Variants in MTUS2 observed in about 807,000 individuals in gnomAD.
MTUS2 encodes microtubule associated scaffold protein 2.
MTUS2 carries 40 observed loss-of-function variants against 114.1 expected under a neutral mutation model. The observed-to-expected ratio is 0.35, with a 90% CI of 0.27 to 0.46. The LOEUF (loss-of-function observed/expected upper bound fraction) is 0.46. Among genes scored for constraint, MTUS2 ranks in the 20% least tolerant of loss-of-function variants. The pLI, the probability that MTUS2 is intolerant of heterozygous loss-of-function variation, is 1.00. For missense variants in MTUS2, 1,679 were observed against 1,705.4 expected (o/e 0.98, Z 0.27); for synonymous variants, 688 against 672.0 (o/e 1.02, Z -0.37).
At chr13:29,365,224 T>C (rs900644656) in intron 8 of MTUS2, among the ~76,000 whole-genome samples, 4 of 152,328 alleles carry the variant, frequency 2.6e-5, no homozygotes, top group African/African-American at 9.6e-5. Flanking sequence ...CCTCCAGATA[T>C]GCCAAGCAGC....
chr13:29,236,654 G>A (rs1896546529), intron 5 of MTUS2, among the ~76,000 whole-genome samples: 1 of 152,210 alleles, frequency 6.6e-6, no homozygotes, highest in Non-Finnish European at 1.5e-5. Flanking sequence ...GTAATGCTGA[G>A]CAAGGAAAAG....
chr13:29,234,262 A>G (rs1896449213), intron 5 of MTUS2, among the ~76,000 whole-genome samples: 1 of 152,194 alleles, frequency 6.6e-6, no homozygotes, highest in South Asian at 2.1e-4. Flanking sequence ...TCAGTAGTGT[A>G]CAGACAGGCA....
At position 29,402,629 on chromosome 13, in the gene MTUS2, C is replaced by G. The variant is rs558739067; in HGVS notation, c.3118-37354C>G. On this transcript the variant is annotated intron_variant, in intron 8 of 15. Transcript: ENST00000612955. The stretch of plus-strand genomic sequence containing the variant: ...CAGCAGGGCCCCTGCTTGAATCATT[C>G]ATATTATTAAGTTGCCAGAGCTATT... 2.6e-5 allele frequency among the ~76,000 whole-genome samples: 4 copies of G among 152,290 alleles called. No individual in the cohort carries two copies. The East Asian group carries it at 7.7e-4, about 29-fold the overall frequency.
At chr13:29,444,242 G>A (rs972213184) in intron 9 of MTUS2, among the ~76,000 whole-genome samples, 8 of 152,084 alleles carry the variant, frequency 5.3e-5, no homozygotes, top group Non-Finnish European at 8.8e-5. Context: ...TGGCCAACGT[G>A]GTCAAACCCC....
intron 5 of MTUS2, among the ~76,000 whole-genome samples, chr13:29,101,272 A>G (rs1269844860): frequency 6.6e-6 from 1 of 152,020 alleles, no homozygotes; most frequent in Non-Finnish European, 1.5e-5. Context: ...TCAAAGAAAG[A>G]TCCAAGAAAG....
At chr13:28,861,906 T>C (rs953292987) in intron 2 of MTUS2, among the ~76,000 whole-genome samples, 5 of 152,100 alleles carry the variant, frequency 3.3e-5, no homozygotes, top group Admixed American at 2.0e-4. Context: ...GGAACCCCCA[T>C]ACGCTCCTTC....
At chr13:29,264,756 G>A (rs1468273317) in intron 5 of MTUS2, among the ~76,000 whole-genome samples, 1 of 152,256 alleles carries the variant, frequency 6.6e-6, no homozygotes, top group Non-Finnish European at 1.5e-5. Context: ...TTGGGATGCA[G>A]GGAGCAATAT....
chr13:29,489,258 C>T (rs1438823574), intron 11 of MTUS2, among the ~76,000 whole-genome samples: 3 of 152,016 alleles, frequency 2.0e-5, no homozygotes, highest in Non-Finnish European at 4.4e-5. Context: ...AAGAGCGAAA[C>T]TCCGCCTCAA....
At chr13:29,056,031 T>C (rs1028633738) in intron 4 of MTUS2, among the ~76,000 whole-genome samples, 69 of 152,300 alleles carry the variant, frequency 4.5e-4, no homozygotes, top group Admixed American at 4.4e-3. Context: ...GTTGATAGTT[T>C]CTTTTGCTGT....
chr13:29,303,602 G>A (rs993465206), intron 6 of MTUS2, among the ~76,000 whole-genome samples: 3 of 152,068 alleles, frequency 2.0e-5, no homozygotes, highest in South Asian at 2.1e-4. Context: ...AGAATGAAAA[G>A]CAATGAACAA....
chr13:29,420,459 G>A (rs530796302), intron 8 of MTUS2, among the ~76,000 whole-genome samples: 3 of 152,108 alleles, frequency 2.0e-5, no homozygotes, highest in East Asian at 1.9e-4. Flanking sequence ...TGTATTTTTA[G>A]TAGAGAGAGG....
At chr13:28,873,791 A>C (rs1451124111) in intron 2 of MTUS2, among the ~76,000 whole-genome samples, 1 of 152,206 alleles carries the variant, frequency 6.6e-6, no homozygotes, top group African/African-American at 2.4e-5. Flanking sequence ...TGGACATTTA[A>C]TAGACAATAA....
intron 2 of MTUS2, among the ~76,000 whole-genome samples, chr13:28,988,935 C>G (rs893738259): frequency 2.0e-5 from 3 of 152,194 alleles, no homozygotes; most frequent in Non-Finnish European, 4.4e-5. Flanking sequence ...GAACAAGCCT[C>G]TTTCCAGCAG....
chr13:29,357,558 G>A (rs1179565965), intron 7 of MTUS2, among the ~76,000 whole-genome samples: 2 of 152,182 alleles, frequency 1.3e-5, no homozygotes, highest in African/African-American at 4.8e-5. Flanking sequence ...GTGTCTTAGA[G>A]TTTAATGCAG....
At chr13:28,855,188 T>C (rs866143498) in intron 2 of MTUS2, among the ~76,000 whole-genome samples, 11 of 145,830 alleles carry the variant, frequency 7.5e-5, no homozygotes, top group East Asian at 3.9e-4. Context: ...CACTGGAAGG[T>C]TTTTTTTTTA....
chr13:28,977,700 T>G (rs1884178761), intron 2 of MTUS2, among the ~76,000 whole-genome samples: 1 of 152,280 alleles, frequency 6.6e-6, no homozygotes, highest in East Asian at 1.9e-4. Context: ...TTAAAAATTT[T>G]CCCTTCACTG....
At chr13:29,462,827 G>A (rs1879605874) in intron 9 of MTUS2, among the ~76,000 whole-genome samples, 1 of 152,164 alleles carries the variant, frequency 6.6e-6, no homozygotes, top group African/African-American at 2.4e-5. Flanking sequence ...CCTAGTGCCA[G>A]AGGGAATCGC....
chr13:28,908,721 A>ATT (rs1251444308), intron 2 of MTUS2, among the ~76,000 whole-genome samples: 11 of 151,738 alleles, frequency 7.2e-5, no homozygotes, highest in Non-Finnish European at 1.0e-4. Flanking sequence ...CACCACACTG[A>ATT]CTTCCACAAT....
At chr13:28,878,864 G>A (rs1464816301) in intron 2 of MTUS2, among the ~76,000 whole-genome samples, 5 of 152,158 alleles carry the variant, frequency 3.3e-5, no homozygotes, top group African/African-American at 1.2e-4. Context: ...AGATTGCTGA[G>A]TCAAATGGTA....
Sources: allele counts gnomAD v4.1 joint callset (sites outside exome capture counted in the v4.1 genomes callset), GRCh38; gene constraint gnomAD v4.1.1; transcripts MANE v1.5; gene names NCBI Gene and HGNC (gene_info 2026-07-23, HGNC 2026-07-21).